Variants in ZNF800 observed in about 807,000 individuals in gnomAD.
ZNF800 encodes the protein zinc finger protein 800.
A neutral mutation model predicts 59.5 loss-of-function variants in ZNF800; 13 were observed. The ratio of observed to expected loss-of-function variants is 0.22; its 90% confidence interval spans 0.14 to 0.35. The LOEUF (loss-of-function observed/expected upper bound fraction) is 0.35, where lower values mean the gene tolerates loss of function less well. ZNF800 is among the 10% of genes least tolerant of loss of function. The pLI, the probability that ZNF800 is intolerant of heterozygous loss-of-function variation, is 1.00. For synonymous variants in ZNF800, 266 were observed against 265.7 expected (o/e 1.00, Z -0.01); for missense variants, 621 against 783.7 (o/e 0.79, Z 2.48).
intron 1 of ZNF800, chr7:127,363,713 C>G (rs1800442888): frequency 6.6e-6 from 1 of 151,978 alleles, no homozygotes; most frequent in South Asian, 2.1e-4. Flanking sequence ...CAAATGAAAT[C>G]AAGACAATGC....
chr7:127,374,074 G>A lies in ZNF800; in HGVS notation c.1262C>T (p.Pro421Leu). 6.2e-7 allele frequency: 1 copy of A among 1,614,096 alleles called. No homozygotes were observed. The change falls in exon 5 of 6, where the codon CCT (proline) becomes CTT (leucine). Residue 421 changes from proline to leucine, a missense_variant. Coordinates refer to ENST00000265827, the MANE Select transcript of ZNF800 (RefSeq NM_176814.5). ...EPADSVESSPPSITHSPQNEL... is the reference protein window; with the variant it reads ...EPADSVESSPLSITHSPQNEL... Reference sequence around the variant, plus strand: ...ATTCTGTGGAGAATGGGTAATGGAAGGGGGTGAAGATTCTACAGAATCTGC... The same window carrying A: ...ATTCTGTGGAGAATGGGTAATGGAAAGGGGTGAAGATTCTACAGAATCTGC...
intron 3 of ZNF800, among the ~76,000 whole-genome samples, chr7:127,379,457 A>T (rs1800889795): frequency 1.3e-5 from 2 of 152,226 alleles, no homozygotes; most frequent in Admixed American, 1.3e-4. Context: ...AAAAGATTGA[A>T]GAGGAACACC....
intron 1 of ZNF800, among the ~76,000 whole-genome samples, chr7:127,353,601 A>G (rs1175503376): frequency 6.6e-6 from 1 of 152,230 alleles, no homozygotes; most frequent in African/African-American, 2.4e-5. Context: ...TAAATAATAC[A>G]TTGAGAAGGC....
downstream of ZNF800, among the ~76,000 whole-genome samples, chr7:127,367,860 T>A (rs1800546426): frequency 6.6e-6 from 1 of 152,070 alleles, no homozygotes; most frequent in East Asian, 1.9e-4. Context: ...ATCAAGCAAA[T>A]TAATTCTGCT....
At chr7:127,379,844 A>ACCCCCCCCCCCCCCCCC (rs1562907457) in intron 3 of ZNF800, among the ~76,000 whole-genome samples, 1 of 13,948 alleles carries the variant, frequency 7.2e-5, no homozygotes. Context: ...CCACCCCCCC[A>ACCCCCCCCCCCCCCCCC]CCCCCCCACC....
Position 127,377,043 on chromosome 7 carries a change from C to A in ZNF800, c.301+143G>T. The stretch of plus-strand genomic sequence containing the variant: ...TGAGTCAAGTATTTAATTTTATTCT[C>A]CATCTCCATCTAAAAATTATCTGTA... On this transcript the variant is annotated intron_variant, in intron 4 of 5. Coordinates refer to ENST00000265827, the MANE Select transcript of ZNF800 (RefSeq NM_176814.5). This position sits in a 1 kb window ranked among gnomAD's most constrained non-coding sequence, Gnocchi z 4.7. 1 of 690,062 alleles carries A rather than the reference C, an allele frequency of 1.4e-6. No individual in the cohort carries two copies. Among genetic ancestry groups the A allele is most frequent in the Non-Finnish European group, 2.3e-6 (1 of 442,030 alleles). The allele number at this position is 690,062 out of a possible 1,614,324, so 42.7% of individuals were successfully genotyped here.
chr7:127,381,826 C>A (rs1800985683), intron 3 of ZNF800, among the ~76,000 whole-genome samples: 1 of 152,038 alleles, frequency 6.6e-6, no homozygotes, highest in Non-Finnish European at 1.5e-5. Context: ...CTATGTACCT[C>A]AGAAAAATCA....
chr7:127,385,984 AATT>A, intron 3 of ZNF800, 73 bp downstream of exon 3: 1 of 960,570 alleles, frequency 1.0e-6, no homozygotes, highest in Non-Finnish European at 1.6e-6. Flanking sequence ...GTTTTTTAAA[AATT>A]ATTTCTAAGG....
intron 5 of ZNF800, chr7:127,372,475 C>T (rs1172278549): frequency 3.5e-5 from 15 of 422,998 alleles, no homozygotes; most frequent in Non-Finnish European, 4.4e-5. Context: ...AGCGAAACTC[C>T]GTCTCAAAAA....
intron 1 of ZNF800, among the ~76,000 whole-genome samples, chr7:127,355,427 T>C (rs1348117377): frequency 6.6e-6 from 1 of 152,022 alleles, no homozygotes; most frequent in East Asian, 1.9e-4. Flanking sequence ...TGGGGGGCAA[T>C]GTAATTAATA....
intron 1 of ZNF800, among the ~76,000 whole-genome samples, chr7:127,357,440 T>C (rs1471174427): frequency 6.6e-6 from 1 of 152,090 alleles, no homozygotes; most frequent in Non-Finnish European, 1.5e-5. Flanking sequence ...CTTAAGTTTC[T>C]CATACGGATT....
chr7:127,355,274 C>T (rs1032399944), intron 1 of ZNF800, among the ~76,000 whole-genome samples: 1 of 151,924 alleles, frequency 6.6e-6, no homozygotes, highest in Non-Finnish European at 1.5e-5. Context: ...ATGAAGAAGA[C>T]ACTACAAAAA....
At chr7:127,386,792 C>G (rs1696564129) in intron 2 of ZNF800, among the ~76,000 whole-genome samples, 1 of 152,162 alleles carries the variant, frequency 6.6e-6, no homozygotes, top group Non-Finnish European at 1.5e-5. Flanking sequence ...TTTTTCATGG[C>G]TGTTAGAAAG....
intron 5 of ZNF800, chr7:127,372,891 G>A (rs1800672164): frequency 2.0e-6 from 2 of 984,970 alleles, no homozygotes; most frequent in Admixed American, 6.2e-5. Context: ...TGCCTCAAAA[G>A]ATTTTTTCCT....
downstream of ZNF800, among the ~76,000 whole-genome samples, chr7:127,343,206 A>T (rs1319673692): frequency 6.6e-6 from 1 of 151,852 alleles, no homozygotes; most frequent in East Asian, 1.9e-4. Flanking sequence ...AAACATTAAA[A>T]ATAAGGAAGG....
chr7:127,351,520 A>G (rs1274982250), intron 1 of ZNF800: 1 of 152,226 alleles, frequency 6.6e-6, no homozygotes, highest in East Asian at 1.9e-4. Flanking sequence ...GCAACTCTTA[A>G]AAGAATAACT....
intron 1 of ZNF800, chr7:127,364,461 A>C (rs1405887896): frequency 1.3e-5 from 2 of 152,168 alleles, no homozygotes; most frequent in East Asian, 3.9e-4. Context: ...TAGAAGGAAA[A>C]CAAGGAAATA....
intron 1 of ZNF800, chr7:127,364,399 G>C (rs1158070777): frequency 6.6e-6 from 1 of 152,104 alleles, no homozygotes; most frequent in Non-Finnish European, 1.5e-5. Context: ...TTGGGCTTCG[G>C]TGAATCAACC....
At chr7:127,353,396 T>C (rs548901085) in intron 1 of ZNF800, among the ~76,000 whole-genome samples, 2 of 150,960 alleles carry the variant, frequency 1.3e-5, no homozygotes, top group African/African-American at 4.9e-5. Context: ...CTTAGGACCC[T>C]GTGTTCAGGG....
Sources: allele counts gnomAD v4.1 joint callset (sites outside exome capture counted in the v4.1 genomes callset), GRCh38; gene constraint gnomAD v4.1.1; non-coding constraint Gnocchi (gnomAD v3.1); transcripts MANE v1.5; gene names NCBI Gene and HGNC (gene_info 2026-07-23, HGNC 2026-07-21).